Variants in PLEKHA8 observed in about 807,000 individuals in gnomAD.
The protein encoded by PLEKHA8 is pleckstrin homology domain-containing family A member 8.
In PLEKHA8, 36 loss-of-function variants were observed where a neutral mutation model predicts 68.2. The ratio of observed to expected loss-of-function variants is 0.53; its 90% CI spans 0.40 to 0.70. The LOEUF is 0.70. Among genes scored for constraint, PLEKHA8 ranks in the 30% least tolerant of loss-of-function variants. PLEKHA8 has a pLI of 0.00. For missense variants in PLEKHA8, 505 were observed against 615.4 expected, an observed-to-expected ratio of 0.82 and a Z score of 1.90; for synonymous variants, 211 against 216.1, an observed-to-expected ratio of 0.98 and a Z score of 0.20.
chr7:30,097,242 C>T lies in PLEKHA8; in HGVS notation c.1362+23110C>T, dbSNP rs187551861. Among the ~76,000 whole-genome samples, 41 of 152,312 alleles carry T rather than the reference C, an allele frequency of 2.7e-4. No homozygotes were observed. The East Asian group carries it at 7.7e-3, about 29-fold the overall frequency. ...CCTTTGTGGGTATCCCGATCTTTCT[C>T]TCTGGCTGCCCTTAACATTTTTTCC... On this transcript the variant is annotated intron_variant, in intron 13 of 13. Coordinates refer to the PLEKHA8 transcript ENST00000396257.
chr7:30,068,578 T>G (rs571889732), intron 12 of PLEKHA8, among the ~76,000 whole-genome samples: 1 of 152,346 alleles, frequency 6.6e-6, no homozygotes, highest in South Asian at 2.1e-4. Flanking sequence ...TATCAACTCC[T>G]GGGAGTTCTT....
rs759674362 is a variant in PLEKHA8, at chr7:30,049,432, A to C, written c.597+50A>C. 7 of 1,594,508 alleles carry C rather than the reference A, an allele frequency of 4.4e-6. No homozygotes were observed. The Admixed American group carries it at 1.0e-4, about 24-fold the overall frequency. ...GCAACAAGGCATCAAGAAAAGTTTCAAAGTTTATAGTGAGTTATGTTCTCT... is the reference window on the plus strand; with the variant it reads ...GCAACAAGGCATCAAGAAAAGTTTCCAAGTTTATAGTGAGTTATGTTCTCT... On this transcript the variant is annotated intron_variant, in intron 5 of 13. Transcript: ENST00000449726.
rs78818370 is a variant in PLEKHA8, at chr7:30,090,299, G to A, written c.*124G>A. 1.5e-3 allele frequency: 1,694 copies of A among 1,165,480 alleles called. 4 individuals carry two copies. The highest frequency in any genetic ancestry group is 4.1e-3 in the Admixed American group (159 of 38,678). The allele number at this position is 1,165,480 out of a possible 1,614,324, so 72.2% of individuals were successfully genotyped here. A position where few individuals can be genotyped will look rare whatever the true frequency, so the allele number is the denominator to read the frequency against. On this transcript the variant is annotated 3_prime_UTR_variant, in exon 13 of 13. Coordinates refer to the PLEKHA8 transcript ENST00000258679. ...CTTCCTTTCCACAAGATTCTGTGAC[G>A]GGAAACAATGGGGGAGTATTTCCGA...
At chr7:30,077,568 A>G (rs761265569) in intron 13 of PLEKHA8, among the ~76,000 whole-genome samples, 2 of 152,180 alleles carry the variant, frequency 1.3e-5, no homozygotes, top group African/African-American at 2.4e-5. Context: ...TAGGAAGTTA[A>G]GCACTTTGCA....
chr7:30,083,454 A>G lies in PLEKHA8; in HGVS notation c.*4667A>G, dbSNP rs1012159296. The G allele has an allele frequency of 2.3e-5, 23 of 985,280 alleles. No homozygotes were observed. Among genetic ancestry groups the G allele is most frequent in the Non-Finnish European group, 2.7e-5 (22 of 829,864 alleles). The allele number at this position is 985,280 out of a possible 1,614,324, so 61.0% of individuals were successfully genotyped here. A position where few individuals can be genotyped will look rare whatever the true frequency, so the allele number is the denominator to read the frequency against. On this transcript the variant is annotated 3_prime_UTR_variant, in exon 14 of 14. Transcript: ENST00000449726. ...TAGACCTTCCCTGTAAATGTTCCCA[A>G]TTCCCATCCTGTCTCAGACAGTCAA...
intron 13 of PLEKHA8, among the ~76,000 whole-genome samples, chr7:30,102,804 T>C (rs1276597151): frequency 6.6e-6 from 1 of 152,244 alleles, no homozygotes; most frequent in Admixed American, 6.5e-5. Context: ...CCCAGCACTT[T>C]GGGAGGCATA....
intron 12 of PLEKHA8, among the ~76,000 whole-genome samples, chr7:30,065,567 C>A (rs1005596065): frequency 6.6e-6 from 1 of 152,106 alleles, no homozygotes; most frequent in African/African-American, 2.4e-5. Context: ...TTTGAAGTCC[C>A]AGCCTTCATA....
rs574260525 is a variant in PLEKHA8 at position 30,079,541 on chromosome 7, C to G, written c.*754C>G. 6.1e-4 allele frequency: 571 copies of G among 936,792 alleles called. 4 individuals carry two copies. The African/African-American group carries it at 9.7e-3, about 16-fold the overall frequency. 58.0% of individuals were successfully genotyped at this position (936,792 alleles called of 1,614,324 possible). On this transcript the variant is annotated 3_prime_UTR_variant, in exon 14 of 14. Transcript: ENST00000449726. ...TACCAGCATGTTCCCCATGCATTATCTCAATTGGACATCACAAGTAATGAT... is the reference window on the plus strand; with the variant it reads ...TACCAGCATGTTCCCCATGCATTATGTCAATTGGACATCACAAGTAATGAT...
intron 13 of PLEKHA8, chr7:30,115,881 CATACATGCGT>C: frequency 6.9e-6 from 1 of 144,210 alleles, no homozygotes; most frequent in South Asian, 2.2e-4. Context: ...TGTAGGCACG[CATACATGCGT>C]ATACATGCAT....
At chr7:30,090,663 G>C (rs536740387) in exon 13 of PLEKHA8, 2 of 534,862 alleles carry the variant, frequency 3.7e-6, no homozygotes, top group South Asian at 1.7e-4. Context: ...GCAGAGACTT[G>C]ATACTGTCTC....
intron 13 of PLEKHA8, among the ~76,000 whole-genome samples, chr7:30,115,662 A>G (rs937250373): frequency 1.3e-5 from 2 of 151,694 alleles, no homozygotes; most frequent in East Asian, 3.9e-4. Context: ...ACATACATGT[A>G]TACGTGTATA....
chr7:30,123,024 T>TG, intron 13 of PLEKHA8, among the ~76,000 whole-genome samples: 1 of 151,324 alleles, frequency 6.6e-6, no homozygotes. Flanking sequence ...CTCCTGACTT[T>TG]CCCCCCCCTA....
At position 30,082,974 on chromosome 7, in the gene PLEKHA8, T is replaced by G; in HGVS notation, c.*4187T>G. ...ATCACTGATTAAAACCAGTTGCTTC[T>G]GATTTTAGTCACAGGTTTTACAAGT... On this transcript the variant is annotated 3_prime_UTR_variant, in exon 14 of 14. Transcript: ENST00000449726. 1.0e-6 allele frequency: 1 copy of G among 985,454 alleles called. No individual in the cohort carries two copies. Among genetic ancestry groups the G allele is most frequent in the Non-Finnish European group, 1.2e-6 (1 of 829,922 alleles). The allele number at this position is 985,454 out of a possible 1,614,324, so 61.0% of individuals were successfully genotyped here.
In PLEKHA8 at chr7:30,078,924, G is replaced by C. The variant is rs570295748; in HGVS notation, c.*137G>C. On this transcript the variant is annotated 3_prime_UTR_variant, in exon 14 of 14. Coordinates refer to ENST00000449726, the MANE Select transcript of PLEKHA8 (RefSeq NM_001197026.2). ...GATGGACAGGAGGTGGCAAAACCCA[G>C]TGCTTTTATAATTTTTAAAATGCAT... 2.1e-6 allele frequency: 3 copies of C among 1,432,610 alleles called. No homozygotes were observed. The highest frequency in any genetic ancestry group is 2.7e-6 in the Non-Finnish European group (3 of 1,096,160). The allele number at this position is 1,432,610 out of a possible 1,614,324, so 88.7% of individuals were successfully genotyped here. A position where few individuals can be genotyped will look rare whatever the true frequency, so the allele number is the denominator to read the frequency against.
chr7:30,074,575 T>G (rs1186599147), intron 13 of PLEKHA8, among the ~76,000 whole-genome samples: 1 of 152,172 alleles, frequency 6.6e-6, no homozygotes, highest in Non-Finnish European at 1.5e-5. Context: ...TCCTAAATAC[T>G]TATCATTGAA....
chr7:30,059,458 G>C (rs111569830), intron 9 of PLEKHA8, among the ~76,000 whole-genome samples: 1 of 151,944 alleles, frequency 6.6e-6, no homozygotes, highest in Non-Finnish European at 1.5e-5. Context: ...ACATTGTTTG[G>C]ATGAATTTCA....
At chr7:30,051,011 T>C (rs1180349944) in intron 6 of PLEKHA8, among the ~76,000 whole-genome samples, 1 of 152,178 alleles carries the variant, frequency 6.6e-6, no homozygotes, top group African/African-American at 2.4e-5. Flanking sequence ...GCAATCCTCT[T>C]ACCTCAGCGT....
intron 4 of PLEKHA8, 88 bp from the exon 5 acceptor site, chr7:30,049,136 T>G: frequency 6.7e-7 from 1 of 1,494,770 alleles, no homozygotes; most frequent in Non-Finnish European, 9.3e-7. Flanking sequence ...TTATTATTAT[T>G]TTGTGGGCAA....
Position 30,052,814 on chromosome 7 carries a change from A to G in PLEKHA8, c.744A>G (p.Ala248=), listed in dbSNP as rs1342734026. Residue 248 remains alanine (A), a synonymous_variant, in exon 7 of 14, where the codon GCA becomes GCG. Coordinates refer to ENST00000449726, the MANE Select transcript of PLEKHA8 (RefSeq NM_001197026.2). The part of the protein sequence containing the change: ...KNKNSLYLKS[A]EIDCSISSEE... ...AGAATTCCTTATATTTGAAATCTGC[A>G]GAGATAGACTGCAGCATATCAAGTG... 6.3e-7 allele frequency: 1 copy of G among 1,574,922 alleles called. No homozygotes were observed. Among genetic ancestry groups the G allele is most frequent in the East Asian group, 2.3e-5 (1 of 43,998 alleles).
Sources: allele counts gnomAD v4.1 joint callset (sites outside exome capture counted in the v4.1 genomes callset), GRCh38; gene constraint gnomAD v4.1.1; transcripts MANE v1.5; gene names NCBI Gene and HGNC (gene_info 2026-07-23, HGNC 2026-07-21).